VRK2: variants seen among roughly 807,000 people sequenced by gnomAD.
The protein encoded by VRK2 is VRK serine/threonine kinase 2, also known as serine/threonine-protein kinase VRK2.
VRK2 carries 60 observed loss-of-function variants against 57.6 expected under a neutral mutation model. The observed-to-expected ratio is 1.04, with a 90% confidence interval of 0.85 to 1.29. The LOEUF (loss-of-function observed/expected upper bound fraction) is 1.29. VRK2 is among the 50% of genes most tolerant of loss of function. The probability of loss-of-function intolerance (pLI) is 0.00; values close to 1 mark genes in which losing one functional copy is unlikely to be tolerated. For missense variants in VRK2, 705 were observed against 588.1 expected (o/e 1.20, Z -2.06); for synonymous variants, 231 against 199.2 (o/e 1.16, Z -1.35).
intron 1 of VRK2, among the ~76,000 whole-genome samples, chr2:58,017,190 CACCTGTCCCT>C (rs776226795): frequency 4.6e-5 from 7 of 152,132 alleles, no homozygotes; most frequent in Non-Finnish European, 8.8e-5. Context: ...GTAAGCTGAG[CACCTGTCCCT>C]ACCTTTCCAC....
At chr2:57,954,966 C>T (rs997484173) in intron 1 of VRK2, among the ~76,000 whole-genome samples, 13 of 152,056 alleles carry the variant, frequency 8.5e-5, no homozygotes, top group Non-Finnish European at 1.5e-4. Flanking sequence ...TTGATATTTT[C>T]CCCCAATTAA....
intron 1 of VRK2, among the ~76,000 whole-genome samples, chr2:57,933,632 G>A (rs1402171954): frequency 5.4e-5 from 8 of 149,260 alleles, no homozygotes; most frequent in African/African-American, 2.0e-4. Flanking sequence ...GATTTTAAGT[G>A]AGTCTTAGCC....
At chr2:57,941,766 A>T (rs1671101413) in intron 1 of VRK2, among the ~76,000 whole-genome samples, 1 of 152,228 alleles carries the variant, frequency 6.6e-6, no homozygotes, top group South Asian at 2.1e-4. Flanking sequence ...TTACACTCTT[A>T]TGCATAGGCT....
chr2:58,024,831 G>A (rs957839717), intron 1 of VRK2, among the ~76,000 whole-genome samples: 2 of 152,196 alleles, frequency 1.3e-5, no homozygotes, highest in Non-Finnish European at 2.9e-5. Flanking sequence ...ATTGGTTAGT[G>A]TGAGAGCAAT....
intron 2 of VRK2, among the ~76,000 whole-genome samples, chr2:58,028,895 AATAAATAAATATAT>A (rs1307891357): frequency 5.2e-4 from 30 of 57,302 alleles, no homozygotes; most frequent in African/African-American, 1.3e-3. Context: ...TAAATAAATA[AATAAATAAATATAT>A]ATATATATAT....
At chr2:58,006,738 C>T (rs1289511832) in intron 1 of VRK2, among the ~76,000 whole-genome samples, 1 of 152,104 alleles carries the variant, frequency 6.6e-6, no homozygotes, top group Admixed American at 6.6e-5. Flanking sequence ...AAGAGCTGGC[C>T]TTGAACTGAC....
intron 1 of VRK2, among the ~76,000 whole-genome samples, chr2:57,934,629 T>G (rs1264567143): frequency 2.6e-5 from 4 of 152,228 alleles, no homozygotes; most frequent in African/African-American, 9.6e-5. Flanking sequence ...ATTTGGGACA[T>G]TTTCAGCCAC....
At chr2:58,123,987 A>C (rs933176639) in intron 8 of VRK2, among the ~76,000 whole-genome samples, 1 of 152,186 alleles carries the variant, frequency 6.6e-6, no homozygotes, top group African/African-American at 2.4e-5. Flanking sequence ...ATTTGTGGAA[A>C]TCTCTCCCAG....
chr2:58,048,184 G>C (rs1392830508), intron 1 of VRK2, among the ~76,000 whole-genome samples: 1 of 152,184 alleles, frequency 6.6e-6, no homozygotes, highest in Non-Finnish European at 1.5e-5. Context: ...AATCTCTAAG[G>C]CAGGACTGTT....
intron 1 of VRK2, among the ~76,000 whole-genome samples, chr2:57,910,133 C>T (rs935466148): frequency 6.6e-6 from 1 of 151,734 alleles, no homozygotes; most frequent in Admixed American, 6.6e-5. Flanking sequence ...AAAACATTCC[C>T]ATGGGGGCCC....
chr2:58,130,660 A>T (rs907400953), intron 8 of VRK2, among the ~76,000 whole-genome samples: 1 of 152,224 alleles, frequency 6.6e-6, no homozygotes, highest in Admixed American at 6.5e-5. Context: ...AAGTTCACTG[A>T]GTAACTTTTC....
chr2:58,143,784 C>T (rs1192661551), intron 11 of VRK2, among the ~76,000 whole-genome samples: 1 of 151,772 alleles, frequency 6.6e-6, no homozygotes, highest in Non-Finnish European at 1.5e-5. Flanking sequence ...CTCCCATGTT[C>T]ATTGCAACAC....
chr2:58,073,685 A>G (rs893263758), intron 2 of VRK2, among the ~76,000 whole-genome samples: 2 of 145,882 alleles, frequency 1.4e-5, no homozygotes, highest in African/African-American at 4.9e-5. Flanking sequence ...TATTTATATA[A>G]AAGGGAATTT....
At position 57,940,886 on chromosome 2, in the gene VRK2, CA is replaced by C. The variant is rs1346186134; in HGVS notation, c.-439+33058del. 4.9e-3 allele frequency among the ~76,000 whole-genome samples: 686 copies of C among 139,352 alleles called. 3 individuals carry two copies. The highest frequency in any genetic ancestry group is 0.014 in the African/African-American group (520 of 38,120). 91.4% of individuals were successfully genotyped at this position (139,352 alleles called of 152,430 possible). A position where few individuals can be genotyped will look rare whatever the true frequency, so the allele number is the denominator to read the frequency against. On this transcript the variant is annotated intron_variant, in intron 1 of 15. Transcript: ENST00000417641. ...TAGAACTCATCTGCATCCTGCTCTC[CA>C]AAAAAAAAAAGACCCAAATAAAAAT...
chr2:57,936,426 C>T (rs1411116618), intron 1 of VRK2, among the ~76,000 whole-genome samples: 12 of 152,030 alleles, frequency 7.9e-5, no homozygotes, highest in Admixed American at 7.9e-4. Context: ...AACTAAGCCA[C>T]ACAATGCTTA....
At chr2:57,950,933 A>T (rs1671408080) in intron 1 of VRK2, among the ~76,000 whole-genome samples, 1 of 151,986 alleles carries the variant, frequency 6.6e-6, no homozygotes, top group Non-Finnish European at 1.5e-5. Context: ...CTCTACTAAA[A>T]TACAAAAATT....
chr2:57,980,417 G>GT (rs564787244), intron 1 of VRK2, among the ~76,000 whole-genome samples: 22 of 152,104 alleles, frequency 1.4e-4, no homozygotes, highest in Admixed American at 1.4e-3. Flanking sequence ...TATGATTTTG[G>GT]TTTTTTTGAA....
At chr2:58,069,363 G>C (rs546291103) in intron 2 of VRK2, among the ~76,000 whole-genome samples, 1 of 152,114 alleles carries the variant, frequency 6.6e-6, no homozygotes, top group Admixed American at 6.6e-5. Flanking sequence ...TTAGCTCCAC[G>C]TATACACAGC....
At chr2:57,958,962 C>CA (rs1299772899) in intron 1 of VRK2, among the ~76,000 whole-genome samples, 1 of 152,166 alleles carries the variant, frequency 6.6e-6, no homozygotes, top group African/African-American at 2.4e-5. Context: ...TACTTAAAAA[C>CA]CAATCTTGCT....
Sources: gnomAD v4.1 joint callset for allele counts (sites outside exome capture counted in the v4.1 genomes callset) on GRCh38, gnomAD v4.1.1 for gene constraint, MANE v1.5 for transcripts, NCBI Gene and HGNC (gene_info 2026-07-23, HGNC 2026-07-21) for gene names.